Variants in NELL2 observed in about 807,000 individuals in gnomAD.
NELL2 encodes the protein neural EGFL like 2.
Under a neutral mutation model 109.6 loss-of-function variants are expected in NELL2, and 41 were observed. The ratio of observed to expected loss-of-function variants is 0.37; its 90% CI spans 0.29 to 0.49. The LOEUF is 0.49. NELL2 is among the 20% of genes least tolerant of loss of function. NELL2 has a pLI of 0.98. For synonymous variants in NELL2, 355 were observed against 344.7 expected, an observed-to-expected ratio of 1.03 and a Z score of -0.33; for missense variants, 900 against 1,008.3, an observed-to-expected ratio of 0.89 and a Z score of 1.45.
intron 9 of NELL2, among the ~76,000 whole-genome samples, chr12:44,719,271 G>C (rs1055229793): frequency 2.0e-5 from 3 of 152,140 alleles, no homozygotes; most frequent in Admixed American, 6.5e-5. Context: ...GTAAAACTCT[G>C]AAAATTCTAA....
chr12:44,592,137 G>A (rs1944775675), intron 15 of NELL2, among the ~76,000 whole-genome samples: 1 of 152,136 alleles, frequency 6.6e-6, no homozygotes, highest in African/African-American at 2.4e-5. Flanking sequence ...TGCTAGCTGT[G>A]TGACCTTGGA....
At chr12:44,757,962 T>C (rs10880675) in intron 9 of NELL2, among the ~76,000 whole-genome samples, 107,342 of 151,756 alleles carry the variant, frequency 0.71, 38,177 homozygotes, top group Non-Finnish European at 0.74. Context: ...GATATGGGGA[T>C]ATTAGTTAGG....
chr12:44,735,151 C>T (rs1939574698), intron 9 of NELL2, among the ~76,000 whole-genome samples: 1 of 152,074 alleles, frequency 6.6e-6, no homozygotes, highest in Non-Finnish European at 1.5e-5. Context: ...TGAAGATATA[C>T]TGATTTATCT....
intron 2 of NELL2, among the ~76,000 whole-genome samples, chr12:44,847,064 C>T (rs145340354): frequency 2.6e-5 from 4 of 152,244 alleles, no homozygotes; most frequent in African/African-American, 9.6e-5. Context: ...TGCCTGATAC[C>T]AGAACTCAGA....
chr12:44,619,268 T>C (rs576179042), intron 13 of NELL2, among the ~76,000 whole-genome samples: 16 of 152,270 alleles, frequency 1.1e-4, no homozygotes, highest in African/African-American at 3.9e-4. Context: ...CAGATGGTGA[T>C]GACTAAAAGA....
intron 3 of NELL2, among the ~76,000 whole-genome samples, chr12:44,800,695 G>A (rs1034069370): frequency 9.2e-5 from 14 of 152,132 alleles, no homozygotes; most frequent in African/African-American, 3.4e-4. Context: ...GCTGTCCTAA[G>A]ATGCTAAAAA....
chr12:44,793,967 A>G (rs1177161592), intron 3 of NELL2, among the ~76,000 whole-genome samples: 1 of 152,154 alleles, frequency 6.6e-6, no homozygotes, highest in East Asian at 1.9e-4. Context: ...TTGATCAATC[A>G]TTTTTCTAAA....
chr12:44,520,054 C>T lies in NELL2; in HGVS notation c.2351G>A (p.Gly784Glu), dbSNP rs762802726. 2 of 1,614,066 alleles carry T rather than the reference C, an allele frequency of 1.2e-6. No homozygotes were observed. Among genetic ancestry groups the T allele is most frequent in the Non-Finnish European group, 1.7e-6 (2 of 1,180,016 alleles). ...LDEMNVVRFT[G>E]SSWIKHGTEC... ...AGTGCCATGTTTGATCCAAGAGGAC[C>T]CGGTGAAGCGAACCACATTCATTTC... The change falls in exon 19 of 20, where the codon GGG becomes GAG. Residue 784 changes from glycine to glutamate, a missense_variant. Physicochemically the swap from Gly to Glu is moderately conservative, Grantham distance 98. Coordinates refer to ENST00000429094, the MANE Select transcript of NELL2 (RefSeq NM_001145108.2).
At chr12:44,552,761 C>T (rs138781243) in intron 15 of NELL2, among the ~76,000 whole-genome samples, 182 of 152,106 alleles carry the variant, frequency 1.2e-3, no homozygotes, top group African/African-American at 4.3e-3. Flanking sequence ...TCCCAAAGCC[C>T]CACATTAATA....
At chr12:44,879,421 C>T (rs919909684), upstream of NELL2, among the ~76,000 whole-genome samples, 64 of 150,798 alleles carry the variant, frequency 4.2e-4, no homozygotes, top group African/African-American at 1.5e-3. Flanking sequence ...TTGACTCTAA[C>T]GACCCTTAGA....
chr12:44,754,622 T>G (rs1940802079), intron 9 of NELL2, among the ~76,000 whole-genome samples: 1 of 152,210 alleles, frequency 6.6e-6, no homozygotes, highest in Non-Finnish European at 1.5e-5. Context: ...ACTGTTAGAA[T>G]TAATATGATT....
rs1336577551 is a variant in NELL2, at chr12:44,624,994, GTGTATATATATATATATATATA to G, written c.1445-14046_1445-14025del. Among the ~76,000 whole-genome samples, 50 of 118,692 alleles carry G rather than the reference GTGTATATATATATATATATATA, an allele frequency of 4.2e-4. 4 individuals carry two copies. The South Asian group carries it at 6.7e-3, about 16-fold the overall frequency. 77.9% of individuals were successfully genotyped at this position (118,692 alleles called of 152,430 possible). A position where few individuals can be genotyped will look rare whatever the true frequency, so the allele number is the denominator to read the frequency against. Reference sequence around the variant, plus strand: ...AGATGACAAATATATATATATGTGTGTGTATATATATATATATATATATATATATATATATATATTTCTGAAC... The same window carrying G: ...AGATGACAAATATATATATATGTGTGTATATATATATATATATTTCTGAAC... On this transcript the variant is annotated intron_variant, in intron 13 of 19. Coordinates refer to ENST00000429094, the MANE Select transcript of NELL2 (RefSeq NM_001145108.2).
Position 44,607,271 on chromosome 12 carries a change from T to C in NELL2, c.1568-7A>G. 6.2e-7 allele frequency: 1 copy of C among 1,609,324 alleles called. No homozygotes were observed. Among genetic ancestry groups the C allele is most frequent in the Non-Finnish European group, 8.5e-7 (1 of 1,177,372 alleles). On this transcript the variant is annotated splice_polypyrimidine_tract_variant and splice_region_variant and intron_variant, in intron 14 of 19. Coordinates refer to ENST00000429094, the MANE Select transcript of NELL2 (RefSeq NM_001145108.2). Reference sequence around the variant, plus strand: ...CAGCCATCTTTGCAAAATGCTAAAATAATTCAGATACATGATTTTAGCACT... The same window carrying C: ...CAGCCATCTTTGCAAAATGCTAAAACAATTCAGATACATGATTTTAGCACT...
chr12:44,655,815 T>C (rs1039574573), intron 13 of NELL2, among the ~76,000 whole-genome samples: 4 of 152,230 alleles, frequency 2.6e-5, no homozygotes, highest in African/African-American at 9.6e-5. Context: ...TCATAATAGA[T>C]AATGAACCAC....
intron 2 of NELL2, among the ~76,000 whole-genome samples, chr12:44,829,783 T>C (rs1401629231): frequency 1.3e-5 from 2 of 152,038 alleles, no homozygotes; most frequent in Non-Finnish European, 2.9e-5. Context: ...ACCCCATAGA[T>C]AGTACCTGGT....
intron 2 of NELL2, among the ~76,000 whole-genome samples, chr12:44,818,222 G>C (rs917373270): frequency 6.6e-6 from 1 of 152,148 alleles, no homozygotes; most frequent in Non-Finnish European, 1.5e-5. Context: ...ATCTAATTGA[G>C]AATGATTTCA....
chr12:44,768,886 T>C (rs1327595408), intron 9 of NELL2, among the ~76,000 whole-genome samples: 2 of 152,170 alleles, frequency 1.3e-5, no homozygotes, highest in African/African-American at 4.8e-5. Flanking sequence ...ATCCTAAATA[T>C]TTCCCATGCT....
chr12:44,920,698 A>G (rs1945862405), intron 1 of NELL2, among the ~76,000 whole-genome samples: 1 of 152,204 alleles, frequency 6.6e-6, no homozygotes, highest in Non-Finnish European at 1.5e-5. Context: ...CTACAAGCAA[A>G]TGAATACCAA....
intron 13 of NELL2, among the ~76,000 whole-genome samples, chr12:44,627,080 T>C (rs1184266859): frequency 1.3e-5 from 2 of 152,164 alleles, no homozygotes; most frequent in African/African-American, 2.4e-5. Context: ...CAGTGGTCTG[T>C]AACAGGGTAA....
Sources: allele counts gnomAD v4.1 joint callset (sites outside exome capture counted in the v4.1 genomes callset), GRCh38; gene constraint gnomAD v4.1.1; transcripts MANE v1.5; gene names NCBI Gene and HGNC (gene_info 2026-07-23, HGNC 2026-07-21).